The following PDZD8 variants were observed in gnomAD, a reference collection of about 807,000 sequenced individuals.
The protein encoded by PDZD8 is PDZ domain containing 8, also known as PDZ domain-containing protein 8.
PDZD8 carries 14 observed loss-of-function variants against 85.8 expected under a neutral mutation model. The observed-to-expected ratio is 0.16, with a 90% CI of 0.11 to 0.26. The LOEUF is 0.26. PDZD8 is among the 10% of genes least tolerant of loss of function. The probability of loss-of-function intolerance (pLI) is 1.00; values close to 1 mark genes in which losing one functional copy is unlikely to be tolerated. For synonymous variants in PDZD8, 592 were observed against 568.6 expected (o/e 1.04, Z -0.59); for missense variants, 1,197 against 1,424.3 (o/e 0.84, Z 2.57).
intron 3 of PDZD8, among the ~76,000 whole-genome samples, chr10:117,317,417 C>T (rs1486143038): frequency 3.4e-5 from 2 of 59,602 alleles, no homozygotes; most frequent in Non-Finnish European, 1.1e-4. Flanking sequence ...TGCCTGTAGA[C>T]ACTTTGCTGA....
At chr10:117,298,511 C>CA (rs2133776454) in intron 3 of PDZD8, among the ~76,000 whole-genome samples, 1 of 152,208 alleles carries the variant, frequency 6.6e-6, no homozygotes, top group Non-Finnish European at 1.5e-5. Flanking sequence ...ATAGTAATTA[C>CA]AGCACTGTTT....
chr10:117,354,783 T>C (rs1844864575), intron 1 of PDZD8, among the ~76,000 whole-genome samples: 1 of 152,174 alleles, frequency 6.6e-6, no homozygotes, highest in Non-Finnish European at 1.5e-5. Context: ...CAAACATAAA[T>C]GTTCTCTTCA....
chr10:117,375,024 C>A lies in PDZD8; in HGVS notation c.204G>T (p.Glu68Asp). 1.3e-6 allele frequency: 2 copies of A among 1,588,514 alleles called. No homozygotes were observed. Among genetic ancestry groups the A allele is most frequent in the Non-Finnish European group, 1.7e-6 (2 of 1,168,112 alleles). Reference protein sequence around the residue: ...EYLYGGGRDEEPSGAAPEGGA... With the variant: ...EYLYGGGRDEDPSGAAPEGGA... The stretch of plus-strand genomic sequence containing the variant: ...CGCCCTCAGGGGCCGCTCCGGAGGG[C>A]TCCTCATCCCGGCCGCCGCCATAAA... The change falls in exon 1 of 5, where the codon GAG becomes GAT. Residue 68 changes from glutamate (E) to aspartate (D), a missense_variant. By Grantham distance (45) the Glu-to-Asp change is conservative. Transcript: ENST00000334464.
intron 2 of PDZD8, among the ~76,000 whole-genome samples, chr10:117,336,560 T>C (rs537356548): frequency 1.8e-4 from 28 of 152,090 alleles, no homozygotes; most frequent in African/African-American, 6.5e-4. Flanking sequence ...GGAAAAATAG[T>C]TGTTCTGGGA....
At chr10:117,306,158 G>A (rs544390485) in intron 3 of PDZD8, among the ~76,000 whole-genome samples, 1 of 152,270 alleles carries the variant, frequency 6.6e-6, no homozygotes, top group South Asian at 2.1e-4. Flanking sequence ...GGTTTCTAAA[G>A]CAACTGGATG....
intron 1 of PDZD8, among the ~76,000 whole-genome samples, chr10:117,358,891 T>C (rs1364174028): frequency 6.6e-6 from 1 of 152,178 alleles, no homozygotes; most frequent in African/African-American, 2.4e-5. Flanking sequence ...TCTATTTATC[T>C]ATATTAAGGA....
At chr10:117,298,156 T>C (rs1393041723) in intron 3 of PDZD8, among the ~76,000 whole-genome samples, 2 of 152,046 alleles carry the variant, frequency 1.3e-5, no homozygotes, top group Non-Finnish European at 2.9e-5. Context: ...AAACCAGATA[T>C]AAGAAGCAAG....
At position 117,285,269 on chromosome 10, in the gene PDZD8, A is replaced by G. The variant is rs1170868928; in HGVS notation, c.1464T>C (p.Asp488=). The G allele has an allele frequency of 6.2e-7, 1 of 1,614,184 alleles. No homozygotes were observed. The highest frequency in any genetic ancestry group is 1.1e-5 in the South Asian group (1 of 91,086). The change falls in exon 5 of 5, where the codon GAT becomes GAC. Residue 488 remains aspartate (D), a synonymous_variant. Transcript: ENST00000334464. The part of the protein sequence containing the change: ...YEEEAAGLTV[D]TESRELDSEF... The stretch of plus-strand genomic sequence containing the variant: ...CAGAATCCAGCTCTCTACTTTCAGT[A>G]TCTACTGTCAACCCGGCAGCTTCCT...
rs1348945344 is a variant in PDZD8 at position 117,362,528 on chromosome 10, A to G, written c.872+11828T>C. On this transcript the variant is annotated intron_variant, in intron 1 of 4. Transcript: ENST00000334464. The stretch of plus-strand genomic sequence containing the variant: ...CCAAGTTACTTTCAAGAGAAATCAT[A>G]AGAGCACAGATATCCTCTAGACTCT... 3.9e-5 allele frequency among the ~76,000 whole-genome samples: 6 copies of G among 152,246 alleles called. No individual in the cohort carries two copies. In the East Asian group the frequency reaches 1.2e-3, roughly 29 times the overall value.
At chr10:117,295,447 C>T (rs1294360508) in intron 3 of PDZD8, among the ~76,000 whole-genome samples, 2 of 152,122 alleles carry the variant, frequency 1.3e-5, no homozygotes, top group Non-Finnish European at 2.9e-5. Flanking sequence ...TTAAAGTGTA[C>T]ATGGTTATAT....
At chr10:117,314,137 A>G (rs1183723568) in intron 3 of PDZD8, 3 of 152,164 alleles carry the variant, frequency 2.0e-5, no homozygotes, top group Admixed American at 6.5e-5. Context: ...TATGTTAGAC[A>G]TTTTGTTTGC....
At chr10:117,356,242 A>T (rs1048263186) in intron 1 of PDZD8, among the ~76,000 whole-genome samples, 2 of 152,134 alleles carry the variant, frequency 1.3e-5, no homozygotes, top group Admixed American at 6.5e-5. Context: ...AATATTTAAC[A>T]TAATTTTCTT....
chr10:117,368,221 C>T (rs1038439461), intron 1 of PDZD8, among the ~76,000 whole-genome samples: 2 of 152,148 alleles, frequency 1.3e-5, no homozygotes, highest in Non-Finnish European at 2.9e-5. Context: ...CATAATTATT[C>T]ATCTCTAAGA....
chr10:117,305,765 A>C (rs1378922853), intron 3 of PDZD8, among the ~76,000 whole-genome samples: 1 of 152,194 alleles, frequency 6.6e-6, no homozygotes, highest in Non-Finnish European at 1.5e-5. Context: ...CATTTAATGG[A>C]TAGCTAAGAA....
chr10:117,290,103 GA>G, intron 4 of PDZD8, 82 bp downstream of exon 4: 2 of 1,233,352 alleles, frequency 1.6e-6, no homozygotes, highest in Non-Finnish European at 2.2e-6. Flanking sequence ...TAGAAATAAG[GA>G]AAAAGGAAGA....
At chr10:117,363,215 C>A (rs756719249) in intron 1 of PDZD8, among the ~76,000 whole-genome samples, 1 of 151,982 alleles carries the variant, frequency 6.6e-6, no homozygotes, top group Non-Finnish European at 1.5e-5. Context: ...GGTAGTAAGA[C>A]CGTATAGTCA....
At position 117,284,753 on chromosome 10, in the gene PDZD8, A is replaced by G. The variant is rs766218555; in HGVS notation, c.1980T>C (p.Asp660=). The change falls in exon 5 of 5, where the codon GAT becomes GAC. Residue 660 remains aspartate (D), a synonymous_variant. Transcript: ENST00000334464. The stretch of plus-strand genomic sequence containing the variant: ...TAGGGCAGGAAGTTTCTGAAGTGAC[A>G]TCTTTGGCCACTTCTTGCTTTGCTA... The part of the protein sequence containing the change: ...QFLAKQEVAK[D]VTSETSCPTK... 3 of 1,614,224 alleles carry G rather than the reference A, an allele frequency of 1.9e-6. No homozygotes were observed. Among genetic ancestry groups the G allele is most frequent in the Non-Finnish European group, 2.5e-6 (3 of 1,180,032 alleles).
intron 1 of PDZD8, among the ~76,000 whole-genome samples, chr10:117,369,524 G>T (rs1845153379): frequency 6.6e-6 from 1 of 152,028 alleles, no homozygotes; most frequent in Non-Finnish European, 1.5e-5. Context: ...TTAAAAGAAG[G>T]ATAAAAATGA....
Position 117,290,263 on chromosome 10 carries a change from A to G in PDZD8, c.1184T>C (p.Ile395Thr). ...QSTDGYAGHV[I>T]IETVAPNSPA... The stretch of plus-strand genomic sequence containing the variant: ...CGAGTTTGGAGCCACAGTTTCAATG[A>G]TGACGTGCCCAGCATACCCATCAGT... Residue 395 changes from isoleucine (I) to threonine (T), a missense_variant, in exon 4 of 5, where the codon ATC (isoleucine) becomes ACC (threonine). Transcript: ENST00000334464. 1 of 1,614,092 alleles carries G rather than the reference A, an allele frequency of 6.2e-7. No homozygotes were observed. Among genetic ancestry groups the G allele is most frequent in the Non-Finnish European group, 8.5e-7 (1 of 1,179,952 alleles).
Sources: gnomAD v4.1 joint callset for allele counts (sites outside exome capture counted in the v4.1 genomes callset) on GRCh38, gnomAD v4.1.1 for gene constraint, MANE v1.5 for transcripts, NCBI Gene and HGNC (gene_info 2026-07-23, HGNC 2026-07-21) for gene names.